NRF1: variants seen among roughly 807,000 people sequenced by gnomAD.
NRF1 encodes the protein alpha palindromic-binding protein.
Under a neutral mutation model 58.5 loss-of-function variants are expected in NRF1, and 5 were observed. That is an observed-to-expected ratio of 0.09 (90% CI 0.04 to 0.18). The LOEUF is 0.18. Among genes scored for constraint, NRF1 ranks in the 10% least tolerant of loss-of-function variants. The probability of loss-of-function intolerance (pLI) is 1.00; values close to 1 mark genes in which losing one functional copy is unlikely to be tolerated. For synonymous variants in NRF1, 224 were observed against 246.7 expected (o/e 0.91, Z 0.86); for missense variants, 288 against 657.7 (o/e 0.44, Z 6.15).
intron 10 of NRF1, among the ~76,000 whole-genome samples, chr7:129,729,254 G>C (rs1803523161): frequency 6.6e-6 from 1 of 152,092 alleles, no homozygotes; most frequent in African/African-American, 2.4e-5. Flanking sequence ...AGGACCCTCT[G>C]GCTCTCGGCC....
intron 1 of NRF1, among the ~76,000 whole-genome samples, chr7:129,651,764 A>G (rs970288230): frequency 2.0e-5 from 3 of 152,182 alleles, no homozygotes; most frequent in African/African-American, 4.8e-5. Context: ...ATTATATTCA[A>G]TTGTGTGACT....
intron 10 of NRF1, among the ~76,000 whole-genome samples, chr7:129,746,771 G>A (rs532165340): frequency 2.1e-4 from 32 of 152,288 alleles, no homozygotes; most frequent in African/African-American, 6.7e-4. Context: ...AAGGCATTAC[G>A]TAATGTAAAT....
At chr7:129,639,855 C>G (rs980808796) in intron 1 of NRF1, among the ~76,000 whole-genome samples, 3 of 152,092 alleles carry the variant, frequency 2.0e-5, no homozygotes, top group Admixed American at 2.0e-4. Context: ...TCCGCCCCCC[C>G]TTTTTTAAAA....
chr7:129,747,546 A>T (rs563018827), intron 10 of NRF1, among the ~76,000 whole-genome samples: 2 of 152,314 alleles, frequency 1.3e-5, no homozygotes, highest in African/African-American at 4.8e-5. Context: ...AAGCAGTGGC[A>T]TTTATTATAT....
intron 10 of NRF1, among the ~76,000 whole-genome samples, chr7:129,738,639 T>C (rs1803777173): frequency 6.8e-6 from 1 of 146,800 alleles, no homozygotes; most frequent in African/African-American, 2.4e-5. Flanking sequence ...TGTCCATTCT[T>C]TCATTTTGTT....
intron 7 of NRF1, among the ~76,000 whole-genome samples, chr7:129,710,851 C>T (rs1803056432): frequency 6.6e-6 from 1 of 151,916 alleles, no homozygotes; most frequent in South Asian, 2.1e-4. Flanking sequence ...CATCACAGCT[C>T]ACTGCAGCCT....
At chr7:129,675,600 T>C (rs1447207337) in intron 3 of NRF1, among the ~76,000 whole-genome samples, 1 of 152,240 alleles carries the variant, frequency 6.6e-6, no homozygotes, top group African/African-American at 2.4e-5. Context: ...AATCTCCTTG[T>C]ACGTCTCCGT....
At chr7:129,657,606 AAT>A in intron 2 of NRF1, 32 bp downstream of exon 2, 1 of 1,210,454 alleles carries the variant, frequency 8.3e-7, no homozygotes, top group Non-Finnish European at 1.1e-6. Flanking sequence ...GCTCTTCTTT[AAT>A]TTTTTTTTTT....
intron 9 of NRF1, among the ~76,000 whole-genome samples, chr7:129,719,578 A>G (rs952907878): frequency 6.6e-6 from 1 of 150,384 alleles, no homozygotes; most frequent in Non-Finnish European, 1.5e-5. Context: ...GTTAGTCCCT[A>G]GTGATCAGAA....
At chr7:129,745,507 C>CG (rs1803954689) in intron 10 of NRF1, among the ~76,000 whole-genome samples, 1 of 26,234 alleles carries the variant, frequency 3.8e-5, no homozygotes, top group East Asian at 2.1e-3. Flanking sequence ...TCCCCCTCAA[C>CG]CCCCCCCCCA....
At chr7:129,647,781 T>A (rs10231985) in intron 1 of NRF1, among the ~76,000 whole-genome samples, 29,061 of 152,210 alleles carry the variant, frequency 0.19, 3,038 homozygotes, top group East Asian at 0.47. Flanking sequence ...TTTACAAAGT[T>A]AACCTATTGG....
chr7:129,699,860 C>T (rs748848726), intron 5 of NRF1, among the ~76,000 whole-genome samples: 12 of 151,804 alleles, frequency 7.9e-5, no homozygotes, highest in Non-Finnish European at 1.6e-4. Flanking sequence ...TAGAAATAGG[C>T]CGGGCGCAGT....
At chr7:129,625,513 GT>G (rs1800892782) in intron 1 of NRF1, among the ~76,000 whole-genome samples, 1 of 151,524 alleles carries the variant, frequency 6.6e-6, no homozygotes, top group African/African-American at 2.4e-5. Context: ...AAATTTATTA[GT>G]TTTTTAGAAA....
At chr7:129,667,105 T>C (rs547272735) in intron 2 of NRF1, among the ~76,000 whole-genome samples, 16 of 152,228 alleles carry the variant, frequency 1.1e-4, no homozygotes, top group Non-Finnish European at 1.9e-4. Context: ...CTGGAAGATA[T>C]ACCCAGGAGG....
At chr7:129,680,826 G>C (rs997903914) in intron 4 of NRF1, among the ~76,000 whole-genome samples, 2 of 152,188 alleles carry the variant, frequency 1.3e-5, no homozygotes, top group Non-Finnish European at 2.9e-5. Flanking sequence ...AGTGGGCATG[G>C]GGTTTCTTTT....
chr7:129,755,274 C>A lies in NRF1; in HGVS notation c.*93C>A. 1.8e-6 allele frequency: 2 copies of A among 1,130,920 alleles called. No homozygotes were observed. Among genetic ancestry groups the A allele is most frequent in the Non-Finnish European group, 2.3e-6 (2 of 855,712 alleles). 70.1% of individuals were successfully genotyped at this position (1,130,920 alleles called of 1,614,324 possible). ...AATCAAATGGAATTAAGTCTCTCGACTTTGGAAGGAAAGTTTTGTTAACCT... is the reference window on the plus strand; with the variant it reads ...AATCAAATGGAATTAAGTCTCTCGAATTTGGAAGGAAAGTTTTGTTAACCT... On this transcript the variant is annotated 3_prime_UTR_variant, in exon 11 of 11. Coordinates refer to ENST00000393232, the MANE Select transcript of NRF1 (RefSeq NM_005011.5). This position sits in a 1 kb window ranked among gnomAD's most constrained non-coding sequence, Gnocchi z 5.8.
chr7:129,677,308 T>C (rs1802204738), intron 3 of NRF1, among the ~76,000 whole-genome samples: 1 of 152,166 alleles, frequency 6.6e-6, no homozygotes, highest in South Asian at 2.1e-4. Flanking sequence ...TGAGCCACCA[T>C]GCCTGGCCAG....
intron 1 of NRF1, chr7:129,633,814 A>G (rs1285958731): frequency 1.3e-5 from 2 of 151,826 alleles, no homozygotes; most frequent in Admixed American, 6.6e-5. Context: ...ATGTGTATAT[A>G]TATATAAAAC....
At chr7:129,714,288 A>C (rs902098964) in intron 8 of NRF1, among the ~76,000 whole-genome samples, 1 of 152,214 alleles carries the variant, frequency 6.6e-6, no homozygotes, top group African/African-American at 2.4e-5. Flanking sequence ...TTTTCACTAC[A>C]AATATAGTTG....
Sources: gnomAD v4.1 joint callset for allele counts (sites outside exome capture counted in the v4.1 genomes callset) on GRCh38, gnomAD v4.1.1 for gene constraint, Gnocchi (gnomAD v3.1) non-coding constraint, MANE v1.5 for transcripts, NCBI Gene and HGNC (gene_info 2026-07-23, HGNC 2026-07-21) for gene names.